The following RSPO2 variants were observed in gnomAD, a reference collection of about 807,000 sequenced individuals.
RSPO2 encodes the protein R-spondin 2.
A neutral mutation model predicts 30.9 loss-of-function variants in RSPO2; 14 were observed. That is an observed-to-expected ratio of 0.45 (90% CI 0.30 to 0.71). RSPO2 has a LOEUF of 0.71. Ranked by LOEUF, RSPO2 falls within the 30% of genes least tolerant of loss-of-function variation. RSPO2 has a pLI of 0.08. For synonymous variants in RSPO2, 107 were observed against 96.4 expected (o/e 1.11, Z -0.64); for missense variants, 264 against 301.9 (o/e 0.87, Z 0.93).
chr8:107,924,822 G>GCACACA (rs59249399), intron 5 of RSPO2, among the ~76,000 whole-genome samples: 12 of 148,406 alleles, frequency 8.1e-5, no homozygotes, highest in African/African-American at 2.5e-4. Flanking sequence ...CACCTAACAT[G>GCACACA]CACACACACA....
chr8:107,911,812 G>A (rs112221951), intron 5 of RSPO2, among the ~76,000 whole-genome samples: 45 of 152,104 alleles, frequency 3.0e-4, no homozygotes, highest in Admixed American at 1.0e-3. Flanking sequence ...TATAGTCTTC[G>A]GATCCCTTAT....
At chr8:107,963,011 A>G (rs564298105) in intron 3 of RSPO2, among the ~76,000 whole-genome samples, 1 of 152,264 alleles carries the variant, frequency 6.6e-6, no homozygotes, top group African/African-American at 2.4e-5. Flanking sequence ...CATGCTCCCA[A>G]TACCAGTTCA....
chr8:107,995,820 C>T (rs1815000526), intron 2 of RSPO2, among the ~76,000 whole-genome samples: 1 of 152,012 alleles, frequency 6.6e-6, no homozygotes, highest in African/African-American at 2.4e-5. Flanking sequence ...TTATGAAGTC[C>T]CAACCCTAGA....
intron 2 of RSPO2, among the ~76,000 whole-genome samples, chr8:108,020,322 C>T (rs1238811887): frequency 6.6e-6 from 1 of 152,198 alleles, no homozygotes; most frequent in Admixed American, 6.5e-5. Flanking sequence ...ACGTACACGC[C>T]TTTCATGCTC....
chr8:107,920,617 A>G (rs1178811778), intron 5 of RSPO2, among the ~76,000 whole-genome samples: 1 of 152,192 alleles, frequency 6.6e-6, no homozygotes, highest in Non-Finnish European at 1.5e-5. Context: ...CAATTTGAGT[A>G]CATTGATTGA....
chr8:107,929,384 T>G (rs1210116022), intron 5 of RSPO2, among the ~76,000 whole-genome samples: 1 of 152,202 alleles, frequency 6.6e-6, no homozygotes, highest in Non-Finnish European at 1.5e-5. Flanking sequence ...ATTCTCGCAG[T>G]TGGGGACCAA....
At chr8:108,081,726 C>A (rs943328330) in intron 2 of RSPO2, 2 of 183,320 alleles carry the variant, frequency 1.1e-5, no homozygotes, top group African/African-American at 4.8e-5. Flanking sequence ...CCGCCTTCTC[C>A]GCTACGCACA....
intron 4 of RSPO2, among the ~76,000 whole-genome samples, chr8:107,959,597 T>C (rs1460043203): frequency 2.0e-5 from 3 of 152,212 alleles, no homozygotes; most frequent in African/African-American, 7.2e-5. Flanking sequence ...ATTCAGGGAA[T>C]GCATAAGACT....
intron 5 of RSPO2, among the ~76,000 whole-genome samples, chr8:107,952,333 C>T (rs76118029): frequency 0.096 from 14,524 of 151,740 alleles, 925 homozygotes; most frequent in East Asian, 0.24. Flanking sequence ...TGATTAGCTT[C>T]CATGTAGCCG....
At chr8:107,916,564 TAAG>T (rs1420459333) in intron 5 of RSPO2, among the ~76,000 whole-genome samples, 4 of 152,332 alleles carry the variant, frequency 2.6e-5, no homozygotes, top group Non-Finnish European at 5.9e-5. Flanking sequence ...TAAAAGATTA[TAAG>T]AAGGCATGGG....
chr8:107,953,015 T>C (rs1011734025), intron 5 of RSPO2, among the ~76,000 whole-genome samples: 2 of 152,194 alleles, frequency 1.3e-5, no homozygotes, highest in African/African-American at 4.8e-5. Flanking sequence ...AGAATTGCTG[T>C]GTGGTTACTA....
At chr8:108,017,025 CT>C (rs922588654) in intron 2 of RSPO2, among the ~76,000 whole-genome samples, 7 of 145,100 alleles carry the variant, frequency 4.8e-5, no homozygotes, top group Non-Finnish European at 7.6e-5. Flanking sequence ...TTTTTTTTTT[CT>C]TTTTTTTTGA....
chr8:108,041,203 C>CAAAAAAAAAAAAAAA (rs55937336), intron 2 of RSPO2, among the ~76,000 whole-genome samples: 3 of 100,384 alleles, frequency 3.0e-5, no homozygotes, highest in Non-Finnish European at 3.9e-5. Context: ...CAAAAAGTGG[C>CAAAAAAAAAAAAAAA]AAAAAAAAAA....
intron 2 of RSPO2, among the ~76,000 whole-genome samples, chr8:108,022,692 G>A (rs527390281): frequency 8.5e-5 from 13 of 152,174 alleles, no homozygotes; most frequent in Admixed American, 4.6e-4. Flanking sequence ...TTGGGAGGCC[G>A]AGGTGGGCGG....
At chr8:107,986,688 T>A (rs1396099584) in intron 3 of RSPO2, among the ~76,000 whole-genome samples, 1 of 152,158 alleles carries the variant, frequency 6.6e-6, no homozygotes, top group Non-Finnish European at 1.5e-5. Context: ...CACCCTATTG[T>A]CCATATAAGT....
At chr8:107,937,892 C>T (rs1563529410) in intron 5 of RSPO2, among the ~76,000 whole-genome samples, 1 of 151,998 alleles carries the variant, frequency 6.6e-6, no homozygotes, top group Non-Finnish European at 1.5e-5. Flanking sequence ...TTTCAGCAGA[C>T]CAGTTATGAA....
chr8:108,060,309 C>G (rs1255552038), intron 2 of RSPO2, among the ~76,000 whole-genome samples: 1 of 151,728 alleles, frequency 6.6e-6, no homozygotes, highest in African/African-American at 2.4e-5. Context: ...GAATGGAAAA[C>G]TAGAATAATC....
At chr8:107,944,490 G>A (rs1472487661) in intron 5 of RSPO2, among the ~76,000 whole-genome samples, 2 of 152,128 alleles carry the variant, frequency 1.3e-5, no homozygotes, top group African/African-American at 4.8e-5. Flanking sequence ...TCCATGCCAA[G>A]TTTCATACTG....
chr8:107,965,226 C>T (rs567312060), intron 3 of RSPO2, among the ~76,000 whole-genome samples: 6 of 152,218 alleles, frequency 3.9e-5, no homozygotes, highest in Middle Eastern at 3.4e-3. Flanking sequence ...TGTAACCCAC[C>T]GAATGAGGAC....
Sources: gnomAD v4.1 joint callset for allele counts (sites outside exome capture counted in the v4.1 genomes callset) on GRCh38, gnomAD v4.1.1 for gene constraint, MANE v1.5 for transcripts, NCBI Gene and HGNC (gene_info 2026-07-23, HGNC 2026-07-21) for gene names.